ELAPOR2: variants seen among roughly 807,000 people sequenced by gnomAD.
ELAPOR2 encodes endosome-lysosome associated apoptosis and autophagy regulator family member 2, also known as endosome/lysosome-associated apoptosis and autophagy regulator family member 2.
Under a neutral mutation model 120.7 loss-of-function variants are expected in ELAPOR2, and 89 were observed. That is an observed-to-expected ratio of 0.74 (90% CI 0.62 to 0.88). The LOEUF (loss-of-function observed/expected upper bound fraction) is 0.88. ELAPOR2 is among the 40% of genes least tolerant of loss of function. ELAPOR2 has a pLI of 0.00. For synonymous variants in ELAPOR2, 444 were observed against 444.9 expected (o/e 1.00, Z 0.03); for missense variants, 1,134 against 1,251.6 (o/e 0.91, Z 1.42).
intron 1 of ELAPOR2, among the ~76,000 whole-genome samples, chr7:87,020,096 C>T (rs1793991355): frequency 6.6e-6 from 1 of 151,960 alleles, no homozygotes; most frequent in Admixed American, 6.6e-5. Flanking sequence ...CAATGTGTAC[C>T]ATCATCCCAA....
chr7:87,003,446 G>A (rs1183899004), intron 1 of ELAPOR2, among the ~76,000 whole-genome samples: 1 of 152,094 alleles, frequency 6.6e-6, no homozygotes, highest in African/African-American at 2.4e-5. Flanking sequence ...CTATTCTCAT[G>A]ATAGTGAGTT....
chr7:87,035,682 A>C lies in ELAPOR2; in HGVS notation c.189+23643T>G, dbSNP rs567134502. Among the ~76,000 whole-genome samples, 3 of 152,298 alleles carry C rather than the reference A, an allele frequency of 2.0e-5. No homozygotes were observed. The South Asian group carries it at 6.2e-4, about 32-fold the overall frequency. On this transcript the variant is annotated intron_variant, in intron 1 of 21. Transcript: ENST00000450689. ...AATGTCTACCTTCCACAAACAAGGC[A>C]TTCTTCTCATATAAACAGAACTCAA...
chr7:86,941,124 T>C (rs908768115), intron 5 of ELAPOR2, among the ~76,000 whole-genome samples: 17 of 152,168 alleles, frequency 1.1e-4, no homozygotes, highest in African/African-American at 4.1e-4. Context: ...CTTATTGAAA[T>C]AGAGCTTGAT....
intron 1 of ELAPOR2, among the ~76,000 whole-genome samples, chr7:87,019,719 A>G (rs1422697611): frequency 2.0e-5 from 3 of 152,230 alleles, no homozygotes; most frequent in Admixed American, 6.5e-5. Flanking sequence ...ACATTTCCAT[A>G]GGGAAATTTG....
At position 86,947,862 on chromosome 7, in the gene ELAPOR2, C is replaced by T; in HGVS notation, c.371G>A (p.Gly124Asp). 1 of 1,552,194 alleles carries T rather than the reference C, an allele frequency of 6.4e-7. No homozygotes were observed. The highest frequency in any genetic ancestry group is 8.7e-7 in the Non-Finnish European group (1 of 1,147,084). The change falls in exon 3 of 22, where the codon GGT becomes GAT. Residue 124 changes from glycine to aspartate, a missense_variant. By Grantham distance (94) the Gly-to-Asp change is moderately conservative. This residue lies in a region of ELAPOR2 where 280 missense variants were observed against 331.5 expected (regional missense o/e 0.84). Transcript: ENST00000450689. Reference sequence around the variant, plus strand: ...ACTGCCCAAGGAATAGGTGCCTTCACCACACTTACTGCATACCTGGTTCTT... The same window carrying T: ...ACTGCCCAAGGAATAGGTGCCTTCATCACACTTACTGCATACCTGGTTCTT... ...EMKNQVCSKC[G>D]EGTYSLGSGI... is the part of the protein sequence containing the mutation.
chr7:86,896,336 T>C (rs1415574438), intron 19 of ELAPOR2, among the ~76,000 whole-genome samples: 1 of 152,090 alleles, frequency 6.6e-6, no homozygotes, highest in East Asian at 1.9e-4. Context: ...ATTCTTAATA[T>C]AGTTTCACTG....
At chr7:87,000,638 C>T (rs1405428542) in intron 1 of ELAPOR2, among the ~76,000 whole-genome samples, 1 of 152,166 alleles carries the variant, frequency 6.6e-6, no homozygotes, top group African/African-American at 2.4e-5. Context: ...CAATATAAGA[C>T]AAACCCCACA....
At chr7:86,955,820 T>C (rs1791445430) in intron 2 of ELAPOR2, among the ~76,000 whole-genome samples, 1 of 152,044 alleles carries the variant, frequency 6.6e-6, no homozygotes, top group African/African-American at 2.4e-5. Context: ...TGGCAGACTT[T>C]CTAACAGACT....
chr7:87,046,171 CAAAACAG>C (rs1214554334), intron 1 of ELAPOR2, among the ~76,000 whole-genome samples: 1 of 151,938 alleles, frequency 6.6e-6, no homozygotes, highest in Non-Finnish European at 1.5e-5. Context: ...GTGAACACTC[CAAAACAG>C]AAATCAAAAA....
At chr7:86,885,882 C>T (rs1430733057) in intron 21 of ELAPOR2, among the ~76,000 whole-genome samples, 1 of 152,116 alleles carries the variant, frequency 6.6e-6, no homozygotes, top group South Asian at 2.1e-4. Context: ...CTCATACATG[C>T]TAAAGGAGAT....
Position 87,039,183 on chromosome 7 carries a change from G to C in ELAPOR2, c.189+20142C>G, listed in dbSNP as rs140974141. On this transcript the variant is annotated intron_variant, in intron 1 of 21. Transcript: ENST00000450689. Reference sequence around the variant, plus strand: ...CCTAAAAGAAGTGGACTAATTCCTAGACTCATACAACCTACCGAGACTAAA... The same window carrying C: ...CCTAAAAGAAGTGGACTAATTCCTACACTCATACAACCTACCGAGACTAAA... Among the ~76,000 whole-genome samples the C allele has an allele frequency of 8.8e-3, 1,334 of 151,998 alleles. 22 individuals carry two copies. Among genetic ancestry groups the C allele is most frequent in the African/African-American group, 0.031 (1,267 of 41,456 alleles).
chr7:87,018,169 T>C (rs1210834961), intron 1 of ELAPOR2, among the ~76,000 whole-genome samples: 1 of 152,046 alleles, frequency 6.6e-6, no homozygotes, highest in East Asian at 1.9e-4. Flanking sequence ...GCCTCCCAAG[T>C]AGCTGAGATT....
At chr7:87,033,216 GTTA>G (rs1794475051) in intron 1 of ELAPOR2, among the ~76,000 whole-genome samples, 1 of 152,194 alleles carries the variant, frequency 6.6e-6, no homozygotes, top group South Asian at 2.1e-4. Flanking sequence ...TCTTTTGTAA[GTTA>G]TTAATTGCCT....
At chr7:86,931,588 A>G (rs574522479) in intron 8 of ELAPOR2, among the ~76,000 whole-genome samples, 1 of 152,030 alleles carries the variant, frequency 6.6e-6, no homozygotes, top group South Asian at 2.1e-4. Context: ...AAATGTGATA[A>G]TTACTCATTC....
intron 1 of ELAPOR2, among the ~76,000 whole-genome samples, chr7:86,981,344 T>C (rs1318694031): frequency 6.6e-6 from 1 of 152,222 alleles, no homozygotes; most frequent in Non-Finnish European, 1.5e-5. Flanking sequence ...AAGACTAGTC[T>C]GGGCTCACTA....
At chr7:86,882,913 CAGA>C (rs1799482417) in intron 21 of ELAPOR2, among the ~76,000 whole-genome samples, 1 of 152,094 alleles carries the variant, frequency 6.6e-6, no homozygotes. Flanking sequence ...CAACTTCCCC[CAGA>C]AGGTTTTCCT....
At position 86,918,439 on chromosome 7, in the gene ELAPOR2, T is replaced by TA; in HGVS notation, c.1593+2dup. Reference sequence around the variant, plus strand: ...TGCCTTTGAAAGCCGCCCGTCCACTTACCACCATGAAGTACAAAACACAGT... The same window carrying TA: ...TGCCTTTGAAAGCCGCCCGTCCACTTAACCACCATGAAGTACAAAACACAGT... On this transcript the variant is annotated splice_region_variant and intron_variant, in intron 12 of 21. Coordinates refer to ENST00000450689, the MANE Select transcript of ELAPOR2 (RefSeq NM_001142749.3). 6.2e-7 allele frequency: 1 copy of TA among 1,600,246 alleles called. No homozygotes were observed. The highest frequency in any genetic ancestry group is 8.6e-7 in the Non-Finnish European group (1 of 1,168,636).
At chr7:86,994,348 A>C (rs1449245731) in intron 1 of ELAPOR2, among the ~76,000 whole-genome samples, 2 of 152,232 alleles carry the variant, frequency 1.3e-5, no homozygotes, top group Non-Finnish European at 2.9e-5. Context: ...AGTAAATAAA[A>C]GTCATTTATC....
chr7:87,040,269 A>G lies in ELAPOR2; in HGVS notation c.189+19056T>C, dbSNP rs1359972227. ...AAGCTCGAACTGGGTGGAGCCCACC[A>G]CAGCTCAAGGAGGCCTGCCTGCCTC... On this transcript the variant is annotated intron_variant, in intron 1 of 21. Transcript: ENST00000450689. Among the ~76,000 whole-genome samples, 6 of 152,364 alleles carry G rather than the reference A, an allele frequency of 3.9e-5. No individual in the cohort carries two copies. In the East Asian group the frequency reaches 1.2e-3, roughly 29 times the overall value.
Sources: gnomAD v4.1 joint callset for allele counts (sites outside exome capture counted in the v4.1 genomes callset) on GRCh38, gnomAD v4.1.1 for gene constraint, gnomAD v4.1.1 regional missense constraint, MANE v1.5 for transcripts, NCBI Gene and HGNC (gene_info 2026-07-23, HGNC 2026-07-21) for gene names.